Variants in NUP205 observed in about 807,000 individuals in gnomAD.
NUP205 encodes the protein nucleoporin 205.
Under a neutral mutation model 253.8 loss-of-function variants are expected in NUP205, and 76 were observed. The ratio of observed to expected loss-of-function variants is 0.30; its 90% CI spans 0.25 to 0.36. The LOEUF (loss-of-function observed/expected upper bound fraction) is 0.36, where lower values mean the gene tolerates loss of function less well. Among genes scored for constraint, NUP205 ranks in the 10% least tolerant of loss-of-function variants. NUP205 has a pLI of 1.00. For synonymous variants in NUP205, 832 were observed against 850.1 expected (o/e 0.98, Z 0.37); for missense variants, 2,162 against 2,425.5 (o/e 0.89, Z 2.28).
At chr7:135,560,348 A>G (rs936889566) in intron 1 of NUP205, among the ~76,000 whole-genome samples, 15 of 152,180 alleles carry the variant, frequency 9.9e-5, no homozygotes, top group African/African-American at 2.7e-4. Context: ...ATTATTAAAC[A>G]AATCATTGGA....
At chr7:135,598,422 C>T (rs1034070048) in intron 15 of NUP205, among the ~76,000 whole-genome samples, 2 of 152,138 alleles carry the variant, frequency 1.3e-5, no homozygotes, top group African/African-American at 4.8e-5. Context: ...CATCAGTAAT[C>T]TAATTGATAG....
At chr7:135,591,817 T>C (rs1408842133) in intron 11 of NUP205, among the ~76,000 whole-genome samples, 1 of 152,228 alleles carries the variant, frequency 6.6e-6, no homozygotes, top group Non-Finnish European at 1.5e-5. Flanking sequence ...TTCTCCTTTA[T>C]AAAATACAGT....
At position 135,628,174 on chromosome 7, in the gene NUP205, A is replaced by G. The variant is rs908796726; in HGVS notation, c.4932+63A>G. On this transcript the variant is annotated intron_variant, in intron 34 of 42. Coordinates refer to ENST00000285968, the MANE Select transcript of NUP205 (RefSeq NM_015135.3). The stretch of plus-strand genomic sequence containing the variant: ...AAATCCTCATTTTACAAGTACAGAA[A>G]CCTTACACACATAGAATGCTTAAGT... 6 of 1,482,566 alleles carry G rather than the reference A, an allele frequency of 4.0e-6. No homozygotes were observed. The African/African-American group carries it at 5.6e-5, about 14-fold the overall frequency. The allele number at this position is 1,482,566 out of a possible 1,614,324, so 91.8% of individuals were successfully genotyped here.
At chr7:135,561,738 C>T (rs1475394090) in intron 1 of NUP205, among the ~76,000 whole-genome samples, 2 of 152,132 alleles carry the variant, frequency 1.3e-5, no homozygotes, top group Non-Finnish European at 2.9e-5. Flanking sequence ...GTGTTCTTCA[C>T]CTGTTACCCC....
chr7:135,591,729 A>C, intron 11 of NUP205, 129 bp downstream of exon 11: 1 of 749,664 alleles, frequency 1.3e-6, no homozygotes, highest in Non-Finnish European at 2.1e-6. Flanking sequence ...TCATAACAAT[A>C]GGGTGAAGGA....
chr7:135,628,103 G>T lies in NUP205; in HGVS notation c.4924G>T (p.Ala1642Ser). 6.2e-7 allele frequency: 1 copy of T among 1,608,256 alleles called. No individual in the cohort carries two copies. Among genetic ancestry groups the T allele is most frequent in the Non-Finnish European group, 8.5e-7 (1 of 1,177,898 alleles). Residue 1642 changes from alanine (A) to serine (S), a missense_variant, in exon 34 of 43, where the codon GCA (alanine) becomes TCA (serine). This residue lies in a region of NUP205 where 1,144 missense variants were observed against 1,280.9 expected (regional missense o/e 0.89). Transcript: ENST00000285968. ...TSSMAQHLQA[A>S]GQVLQFLISH... is the part of the protein sequence containing the mutation. ...TAGTATGGCCCAGCACTTGCAGGCA[G>T]CAGGGCAGGTAAGGTGAACCCTTTG... is the stretch of plus-strand genomic sequence containing the variant.
At chr7:135,644,305 G>C (rs933795887) in intron 39 of NUP205, among the ~76,000 whole-genome samples, 1 of 152,154 alleles carries the variant, frequency 6.6e-6, no homozygotes, top group Non-Finnish European at 1.5e-5. Flanking sequence ...CTAATGTGTA[G>C]CTAATCAGTG....
intron 1 of NUP205, among the ~76,000 whole-genome samples, chr7:135,560,948 G>C (rs1422527346): frequency 6.6e-6 from 1 of 152,200 alleles, no homozygotes; most frequent in East Asian, 1.9e-4. Context: ...CTTAAAATTT[G>C]TTGAGATTGC....
Position 135,574,755 on chromosome 7 carries a change from A to G in NUP205, c.343+930A>G, listed in dbSNP as rs1806104477. On this transcript the variant is annotated intron_variant, in intron 3 of 42. Coordinates refer to ENST00000285968, the MANE Select transcript of NUP205 (RefSeq NM_015135.3). ...ATTACATAATTCATTCTAACTCTGAAATTATTTCTCTGGCTGCTGTGTAGA... is the reference window on the plus strand; with the variant it reads ...ATTACATAATTCATTCTAACTCTGAGATTATTTCTCTGGCTGCTGTGTAGA... Among the ~76,000 whole-genome samples the G allele has an allele frequency of 2.0e-5, 3 of 152,218 alleles. No homozygotes were observed. In the South Asian group the frequency reaches 6.2e-4, roughly 31 times the overall value.
At position 135,577,982 on chromosome 7, in the gene NUP205, T is replaced by C; in HGVS notation, c.835T>C (p.Phe279Leu). 1 of 1,613,972 alleles carries C rather than the reference T, an allele frequency of 6.2e-7. No homozygotes were observed. Among genetic ancestry groups the C allele is most frequent in the Non-Finnish European group, 8.5e-7 (1 of 1,179,878 alleles). Residue 279 changes from phenylalanine (F) to leucine (L), a missense_variant, in exon 6 of 43, where the codon TTT (phenylalanine) becomes CTT (leucine). This residue lies in a region of NUP205 where 892 missense variants were observed against 957.1 expected (regional missense o/e 0.93). Transcript: ENST00000285968. ...LALLMALLYCFDISFIEQSTE... is the reference protein window; with the variant it reads ...LALLMALLYCLDISFIEQSTE... ...TCTTCTTATGGCGCTTCTATACTGT[T>C]TTGATATCAGTTTTATAGAGCAAAG... is the stretch of plus-strand genomic sequence containing the variant.
rs1253577684 is a variant in NUP205 at position 135,594,705 on chromosome 7, C to T, written c.1989C>T (p.Leu663=). Reference sequence around the variant, plus strand: ...AATCTCCTGAAATTGCTGCTTCCCTCTGGCAGTCATTGGAATACACTCAGG... The same window carrying T: ...AATCTCCTGAAATTGCTGCTTCCCTTTGGCAGTCATTGGAATACACTCAGG... ...FGKSPEIAAS[L]WQSLEYTQIL... Residue 663 remains leucine, a synonymous_variant, in exon 13 of 43, where the codon CTC becomes CTT. Coordinates refer to ENST00000285968, the MANE Select transcript of NUP205 (RefSeq NM_015135.3). The T allele has an allele frequency of 6.2e-7, 1 of 1,613,426 alleles. No homozygotes were observed. The highest frequency in any genetic ancestry group is 1.7e-5 in the Admixed American group (1 of 59,944).
intron 1 of NUP205, among the ~76,000 whole-genome samples, chr7:135,566,412 G>A (rs1465023589): frequency 6.6e-6 from 1 of 152,136 alleles, no homozygotes; most frequent in Non-Finnish European, 1.5e-5. Context: ...CTCTTTAATG[G>A]GAAGTATGTC....
At chr7:135,588,126 T>G in intron 10 of NUP205, 134 bp downstream of exon 10, 1 of 606,708 alleles carries the variant, frequency 1.6e-6, no homozygotes. Flanking sequence ...AGACTTACAC[T>G]TTTTAAATTT....
intron 1 of NUP205, among the ~76,000 whole-genome samples, chr7:135,560,666 C>G (rs1805558483): frequency 6.6e-6 from 1 of 152,096 alleles, no homozygotes; most frequent in African/African-American, 2.4e-5. Flanking sequence ...GAAGGAAATC[C>G]TGTCACATAA....
At position 135,626,306 on chromosome 7, in the gene NUP205, G is replaced by A; in HGVS notation, c.4738G>A (p.Val1580Met). Residue 1580 changes from valine (V) to methionine (M), a missense_variant, in exon 33 of 43, where the codon GTG (valine) becomes ATG (methionine). Val to Met is a conservative substitution (Grantham distance 21). This residue lies in a region of NUP205 where 1,144 missense variants were observed against 1,280.9 expected (regional missense o/e 0.89). Coordinates refer to ENST00000285968, the MANE Select transcript of NUP205 (RefSeq NM_015135.3). ...AGAGCTGCTAAGATCAGGGGTGATT[G>A]TGAGACTAGCTCAATGCCAAGTCTA... The part of the protein sequence containing the change: ...ALELLRSGVI[V>M]RLAQCQVYDM... 6.2e-7 allele frequency: 1 copy of A among 1,614,118 alleles called. No individual in the cohort carries two copies. Among genetic ancestry groups the A allele is most frequent in the Non-Finnish European group, 8.5e-7 (1 of 1,179,998 alleles).
chr7:135,601,032 A>G (rs1481836536), intron 16 of NUP205, 63 bp downstream of exon 16: 2 of 782,520 alleles, frequency 2.6e-6, no homozygotes, highest in African/African-American at 3.6e-5. Context: ...AATTATGGCT[A>G]TGTTATATAT....
intron 13 of NUP205, among the ~76,000 whole-genome samples, chr7:135,595,946 T>C (rs1030825748): frequency 6.6e-6 from 1 of 152,112 alleles, no homozygotes; most frequent in Non-Finnish European, 1.5e-5. Flanking sequence ...AAATTTTTTT[T>C]TTTTTAAGAT....
intron 10 of NUP205, among the ~76,000 whole-genome samples, chr7:135,591,124 G>T (rs1806617778): frequency 6.6e-6 from 1 of 152,120 alleles, no homozygotes; most frequent in South Asian, 2.1e-4. Flanking sequence ...GATTTTAAGT[G>T]TACTTTTGAA....
In NUP205 at chr7:135,570,052, T is replaced by TATAG. The variant is rs1284263475; in HGVS notation, c.29-1052_29-1051insTAGA. On this transcript the variant is annotated intron_variant, in intron 1 of 42. Coordinates refer to ENST00000285968, the MANE Select transcript of NUP205 (RefSeq NM_015135.3). ...TTTTATATATATATATATATATATATAGAGAGAGAGAGAGAGAGAGAGAGA... is the reference window on the plus strand; with the variant it reads ...TTTTATATATATATATATATATATATATAGAGAGAGAGAGAGAGAGAGAGAGAGA... Among the ~76,000 whole-genome samples, 394 of 79,158 alleles carry TATAG rather than the reference T, an allele frequency of 5.0e-3. 4 individuals are homozygous for TATAG. Among genetic ancestry groups the TATAG allele is most frequent in the African/African-American group, 0.012 (237 of 19,104 alleles). 51.9% of individuals were successfully genotyped at this position (79,158 alleles called of 152,430 possible). A position where few individuals can be genotyped will look rare whatever the true frequency, so the allele number is the denominator to read the frequency against.
Sources: gnomAD v4.1 joint callset for allele counts (sites outside exome capture counted in the v4.1 genomes callset) on GRCh38, gnomAD v4.1.1 for gene constraint, gnomAD v4.1.1 regional missense constraint, MANE v1.5 for transcripts, NCBI Gene and HGNC (gene_info 2026-07-23, HGNC 2026-07-21) for gene names.